FHIT: variants seen among roughly 807,000 people sequenced by gnomAD.
The protein encoded by FHIT is bis(5'-adenosyl)-triphosphatase.
FHIT carries 19 observed loss-of-function variants against 17.9 expected under a neutral mutation model. The observed-to-expected ratio is 1.06, with a 90% CI of 0.74 to 1.56. FHIT has a LOEUF of 1.56. FHIT is among the 40% of genes most tolerant of loss of function. FHIT has a pLI of 0.00. For missense variants in FHIT, 248 were observed against 189.2 expected (o/e 1.31, Z -1.82); for synonymous variants, 81 against 69.7 (o/e 1.16, Z -0.81).
chr3:60,855,047 C>T (rs1553749563), intron 3 of FHIT, among the ~76,000 whole-genome samples: 2 of 152,102 alleles, frequency 1.3e-5, no homozygotes, highest in Non-Finnish European at 2.9e-5. Context: ...TTCATTTCCT[C>T]ATCTCTGAAA....
chr3:59,795,402 T>C (rs1290967670), intron 8 of FHIT, among the ~76,000 whole-genome samples: 1 of 150,380 alleles, frequency 6.6e-6, no homozygotes, highest in East Asian at 2.0e-4. Context: ...AAAAATACCA[T>C]AACATTTTTT....
At chr3:60,654,675 ACCTGATTC>A (rs1461379046) in intron 4 of FHIT, among the ~76,000 whole-genome samples, 7 of 152,248 alleles carry the variant, frequency 4.6e-5, no homozygotes, top group African/African-American at 1.7e-4. Flanking sequence ...ATCCATTTGC[ACCTGATTC>A]TAGACACAAT....
chr3:60,406,217 G>C (rs1050567599), intron 5 of FHIT, among the ~76,000 whole-genome samples: 4 of 152,122 alleles, frequency 2.6e-5, no homozygotes, highest in African/African-American at 9.7e-5. Context: ...ATGTGCATAA[G>C]GCAAATATAA....
intron 4 of FHIT, among the ~76,000 whole-genome samples, chr3:60,587,955 TC>T: frequency 6.6e-6 from 1 of 150,790 alleles, no homozygotes; most frequent in Admixed American, 6.6e-5. Context: ...ATGCCCCTTC[TC>T]CTTTTTTTTT....
intron 5 of FHIT, among the ~76,000 whole-genome samples, chr3:60,110,771 T>G (rs1251832225): frequency 2.6e-5 from 4 of 152,234 alleles, no homozygotes; most frequent in African/African-American, 9.6e-5. Context: ...TGGTCATCAT[T>G]ACCCAGTTAA....
At position 59,770,109 on chromosome 3, in the gene FHIT, G is replaced by A. The variant is rs568808590; in HGVS notation, c.349-17788C>T. 5.9e-5 allele frequency among the ~76,000 whole-genome samples: 9 copies of A among 152,268 alleles called. No individual in the cohort carries two copies. In the South Asian group the frequency reaches 1.7e-3, roughly 28 times the overall value. ...TGTAAGGGAGAAAGGTCAGCTTCTG[G>A]TTGAACGAGGGCATGATAAGTTCCC... is the stretch of plus-strand genomic sequence containing the variant. On this transcript the variant is annotated intron_variant, in intron 8 of 9. Coordinates refer to ENST00000492590, the MANE Select transcript of FHIT (RefSeq NM_002012.4).
At chr3:60,559,696 A>G (rs2856045) in intron 4 of FHIT, among the ~76,000 whole-genome samples, 144,929 of 152,104 alleles carry the variant, frequency 0.95, 69,104 homozygotes, top group East Asian at 1. Context: ...GATGGAAAGC[A>G]TATGTATCTC....
At chr3:60,650,509 A>T (rs1261975247) in intron 4 of FHIT, among the ~76,000 whole-genome samples, 4 of 152,194 alleles carry the variant, frequency 2.6e-5, no homozygotes, top group East Asian at 1.9e-4. Context: ...CTTCTGGACA[A>T]TCTGAATATT....
intron 8 of FHIT, among the ~76,000 whole-genome samples, chr3:59,791,682 G>C (rs983874599): frequency 2.0e-5 from 3 of 152,094 alleles, no homozygotes; most frequent in Non-Finnish European, 2.9e-5. Flanking sequence ...CCAATGCTGA[G>C]TATAGGCCTT....
chr3:59,931,143 A>C (rs1438619181), intron 7 of FHIT, among the ~76,000 whole-genome samples: 1 of 152,234 alleles, frequency 6.6e-6, no homozygotes, highest in Non-Finnish European at 1.5e-5. Flanking sequence ...ATATTCAGTC[A>C]ATTCCAGCAG....
At chr3:60,715,445 A>C (rs1168315065) in intron 4 of FHIT, among the ~76,000 whole-genome samples, 1 of 152,188 alleles carries the variant, frequency 6.6e-6, no homozygotes, top group Non-Finnish European at 1.5e-5. Flanking sequence ...CAGCCGTAAA[A>C]AAATGATGAG....
At chr3:61,167,345 A>G (rs1279535001) in intron 2 of FHIT, among the ~76,000 whole-genome samples, 1 of 151,956 alleles carries the variant, frequency 6.6e-6, no homozygotes, top group Non-Finnish European at 1.5e-5. Flanking sequence ...AGACGTTAAA[A>G]GAAATACGGG....
intron 2 of FHIT, among the ~76,000 whole-genome samples, chr3:61,082,504 T>C (rs1385020329): frequency 2.6e-5 from 4 of 152,242 alleles, no homozygotes; most frequent in Admixed American, 2.6e-4. Context: ...TTGAGTTCCA[T>C]TTGGAAAAGC....
At chr3:59,760,515 A>G (rs1025106551) in intron 8 of FHIT, among the ~76,000 whole-genome samples, 3 of 151,718 alleles carry the variant, frequency 2.0e-5, no homozygotes, top group Non-Finnish European at 4.4e-5. Flanking sequence ...ACCTCCACGA[A>G]CCAAGGTGGG....
At chr3:59,867,925 G>A (rs1033271888) in intron 8 of FHIT, among the ~76,000 whole-genome samples, 1 of 151,002 alleles carries the variant, frequency 6.6e-6, no homozygotes, top group African/African-American at 2.4e-5. Context: ...AAAAAGTTAC[G>A]GACCAAGGTT....
rs750168873 is a variant in FHIT, at chr3:60,571,335, C to CAATAAAAA, written c.-17-34357_-17-34356insTTTTTATT. Among the ~76,000 whole-genome samples, 11 of 54,672 alleles carry CAATAAAAA rather than the reference C, an allele frequency of 2.0e-4. 3 individuals carry two copies. The highest frequency in any genetic ancestry group is 3.9e-4 in the African/African-American group (5 of 12,936). The allele number at this position is 54,672 out of a possible 152,430, so 35.9% of individuals were successfully genotyped here. On this transcript the variant is annotated intron_variant, in intron 4 of 9. Transcript: ENST00000492590. Reference sequence around the variant, plus strand: ...TGGGCAACAGGGCAAGACTCCATCGCAAAAAAAAAAAAAAAAAAAAAAAAA... The same window carrying CAATAAAAA: ...TGGGCAACAGGGCAAGACTCCATCGCAATAAAAAAAAAAAAAAAAAAAAAAAAAAAAAA...
chr3:60,756,239 C>G (rs1553718235), intron 4 of FHIT, among the ~76,000 whole-genome samples: 1 of 152,170 alleles, frequency 6.6e-6, no homozygotes, highest in East Asian at 1.9e-4. Flanking sequence ...ATACCCACAC[C>G]TTTTTGTCAG....
chr3:61,043,913 G>T (rs1175102271), intron 2 of FHIT, among the ~76,000 whole-genome samples: 3 of 152,158 alleles, frequency 2.0e-5, no homozygotes, highest in African/African-American at 4.8e-5. Flanking sequence ...TGCAGCTGAG[G>T]ATCCTAACTG....
At chr3:60,226,725 T>A (rs1046832234) in intron 5 of FHIT, among the ~76,000 whole-genome samples, 13 of 152,106 alleles carry the variant, frequency 8.5e-5, no homozygotes, top group Admixed American at 1.3e-4. Flanking sequence ...TGGGGTCACA[T>A]GGATGTGTCT....
Sources: allele counts gnomAD v4.1 joint callset (sites outside exome capture counted in the v4.1 genomes callset), GRCh38; gene constraint gnomAD v4.1.1; transcripts MANE v1.5; gene names NCBI Gene and HGNC (gene_info 2026-07-23, HGNC 2026-07-21).